PIAS1: variants seen among roughly 807,000 people sequenced by gnomAD.
PIAS1 encodes the protein protein inhibitor of activated STAT 1.
Under a neutral mutation model 71.3 loss-of-function variants are expected in PIAS1, and 6 were observed. That is an observed-to-expected ratio of 0.08 (90% CI 0.05 to 0.17). PIAS1 has a LOEUF of 0.17. Ranked by LOEUF, PIAS1 falls within the 10% of genes least tolerant of loss-of-function variation. PIAS1 has a pLI of 1.00. For missense variants in PIAS1, 555 were observed against 793.6 expected, an observed-to-expected ratio of 0.70 and a Z score of 3.61; for synonymous variants, 303 against 292.9, an observed-to-expected ratio of 1.03 and a Z score of -0.35.
chr15:68,137,550 C>T (rs2092742119), intron 2 of PIAS1, among the ~76,000 whole-genome samples: 1 of 151,888 alleles, frequency 6.6e-6, no homozygotes, highest in Non-Finnish European at 1.5e-5. Flanking sequence ...GAGTACAGCA[C>T]CGAGATCAAG....
At chr15:68,153,499 G>A (rs2092863931) in intron 6 of PIAS1, 91 bp from the exon 7 acceptor site, 1 of 631,220 alleles carries the variant, frequency 1.6e-6, no homozygotes, top group African/African-American at 1.8e-5. Flanking sequence ...TTTAAGAAGT[G>A]TTAGTTTTCT....
chr15:68,057,918 T>C (rs2091914144), intron 1 of PIAS1, among the ~76,000 whole-genome samples: 1 of 152,260 alleles, frequency 6.6e-6, no homozygotes. Context: ...GATCCCATTG[T>C]CTTTTTCTTC....
intron 8 of PIAS1, among the ~76,000 whole-genome samples, chr15:68,169,194 G>T (rs568162993): frequency 1.0e-3 from 156 of 152,256 alleles, no homozygotes; most frequent in African/African-American, 3.6e-3. Flanking sequence ...ATAGGAATTT[G>T]TATTTCATAG....
Position 68,086,570 on chromosome 15 carries a change from C to T in PIAS1, c.289C>T (p.Leu97Phe), listed in dbSNP as rs2092284230. Residue 97 changes from leucine (L) to phenylalanine (F), a missense_variant, in exon 2 of 14, where the codon CTC becomes TTC. By Grantham distance (22) the Leu-to-Phe change is conservative (BLOSUM62 0). This residue lies in a region of PIAS1 where 80 missense variants were observed against 66.9 expected (regional missense o/e 1.20). Coordinates refer to ENST00000249636, the MANE Select transcript of PIAS1 (RefSeq NM_016166.3). This position sits in a 1 kb window ranked among gnomAD's most constrained non-coding sequence, Gnocchi z 7.2. ...ATLSPSTIPQ[L>F]TYDGHPASSP... is the part of the protein sequence containing the mutation. The stretch of plus-strand genomic sequence containing the variant: ...TTTGTCTCCATCTACCATTCCACAA[C>T]TCACTTACGATGGTCACCCTGCATC... 6.2e-7 allele frequency: 1 copy of T among 1,613,862 alleles called. No individual in the cohort carries two copies. The highest frequency in any genetic ancestry group is 2.2e-5 in the East Asian group (1 of 44,902).
chr15:68,182,925 C>T (rs1462349572), intron 12 of PIAS1, among the ~76,000 whole-genome samples: 1 of 152,070 alleles, frequency 6.6e-6, no homozygotes, highest in Admixed American at 6.5e-5. Context: ...TTTACCTTTC[C>T]CCAAGTTTAG....
chr15:68,173,616 T>C lies in PIAS1; in HGVS notation c.1009-116T>C. 1 of 545,722 alleles carries C rather than the reference T, an allele frequency of 1.8e-6. No homozygotes were observed. The highest frequency in any genetic ancestry group is 4.6e-5 in the South Asian group (1 of 21,840). 33.8% of individuals were successfully genotyped at this position (545,722 alleles called of 1,614,324 possible). A position where few individuals can be genotyped will look rare whatever the true frequency, so the allele number is the denominator to read the frequency against. On this transcript the variant is annotated intron_variant, in intron 8 of 13. Transcript: ENST00000249636. The surrounding 1 kb of genome is among the most constrained non-coding windows in gnomAD (Gnocchi z 4.3). Reference sequence around the variant, plus strand: ...AATGTTCTTCTACATTGATGAAAAGTCAACACTGTATGCTTTAAATCAGCA... The same window carrying C: ...AATGTTCTTCTACATTGATGAAAAGCCAACACTGTATGCTTTAAATCAGCA...
At chr15:68,084,460 A>G (rs745445629) in intron 1 of PIAS1, among the ~76,000 whole-genome samples, 37 of 152,214 alleles carry the variant, frequency 2.4e-4, no homozygotes, top group Non-Finnish European at 3.5e-4. Context: ...TATCCTGCTG[A>G]TATTATAGTT....
chr15:68,142,576 C>A (rs1016884558), intron 4 of PIAS1, among the ~76,000 whole-genome samples: 4 of 152,014 alleles, frequency 2.6e-5, no homozygotes, highest in Admixed American at 1.3e-4. Context: ...GGAAAACATT[C>A]TCCTGTTATG....
At chr15:68,055,566 G>C (rs918486098) in intron 1 of PIAS1, among the ~76,000 whole-genome samples, 1 of 152,032 alleles carries the variant, frequency 6.6e-6, no homozygotes, top group African/African-American at 2.4e-5. Flanking sequence ...TGGTTTAGTA[G>C]CAGGCAGTTC....
At chr15:68,164,672 G>GT (rs2092945937) in intron 7 of PIAS1, 59 bp from the exon 8 acceptor site, 1 of 875,128 alleles carries the variant, frequency 1.1e-6, no homozygotes, top group African/African-American at 1.7e-5. Context: ...TAATGCTCCA[G>GT]TAATGTATCT....
At chr15:68,155,686 T>G (rs978028362) in intron 7 of PIAS1, among the ~76,000 whole-genome samples, 1 of 152,220 alleles carries the variant, frequency 6.6e-6, no homozygotes, top group African/African-American at 2.4e-5. Flanking sequence ...TTTAGACTTT[T>G]CACAGAGAAC....
At chr15:68,132,484 A>G (rs1417993584) in intron 2 of PIAS1, among the ~76,000 whole-genome samples, 1 of 152,062 alleles carries the variant, frequency 6.6e-6, no homozygotes, top group Admixed American at 6.6e-5. Context: ...CTAAAAAAAA[A>G]AGGAAACTAC....
intron 2 of PIAS1, among the ~76,000 whole-genome samples, chr15:68,134,915 T>C (rs368223887): frequency 0.45 from 13,864 of 30,644 alleles, 745 homozygotes; most frequent in East Asian, 0.6. Flanking sequence ...CCAGCAGGGG[T>C]GGCTGGGCAG....
intron 4 of PIAS1, among the ~76,000 whole-genome samples, chr15:68,144,641 C>T (rs2092795590): frequency 6.6e-6 from 1 of 151,998 alleles, no homozygotes; most frequent in Admixed American, 6.6e-5. Flanking sequence ...AAGAATTAGC[C>T]TGTAATGGAA....
rs575751876 is a variant in PIAS1, at chr15:68,187,238, TGCTTCTGA to T, written c.1663-301_1663-294del. On this transcript the variant is annotated intron_variant, in intron 13 of 13. Coordinates refer to ENST00000249636, the MANE Select transcript of PIAS1 (RefSeq NM_016166.3). This position sits in a 1 kb window ranked among gnomAD's most constrained non-coding sequence, Gnocchi z 5.3. ...AGCATGGACTGTCTGCCCCTCCTGC[TGCTTCTGA>T]GCATATGCTTCTTGGGAAATAGAAT... is the stretch of plus-strand genomic sequence containing the variant. Among the ~76,000 whole-genome samples, 37 of 152,360 alleles carry T rather than the reference TGCTTCTGA, an allele frequency of 2.4e-4. No homozygotes were observed. Among genetic ancestry groups the T allele is most frequent in the African/African-American group, 7.9e-4 (33 of 41,584 alleles).
intron 8 of PIAS1, among the ~76,000 whole-genome samples, chr15:68,165,767 T>C (rs1222890872): frequency 1.3e-5 from 2 of 152,164 alleles, no homozygotes; most frequent in Non-Finnish European, 2.9e-5. Context: ...TATGAAAATA[T>C]GTGAAAAATT....
intron 1 of PIAS1, among the ~76,000 whole-genome samples, chr15:68,069,113 C>G (rs1327230883): frequency 6.6e-6 from 1 of 151,752 alleles, no homozygotes; most frequent in Non-Finnish European, 1.5e-5. Flanking sequence ...CCAGGCTGGT[C>G]TCGAACTCCA....
chr15:68,144,041 A>G (rs1340171345), intron 4 of PIAS1, among the ~76,000 whole-genome samples: 1 of 151,848 alleles, frequency 6.6e-6, no homozygotes, highest in Non-Finnish European at 1.5e-5. Flanking sequence ...GGTTGTCTAG[A>G]TAGATGAGCT....
chr15:68,193,001 A>C lies in PIAS1; in HGVS notation c.*5166A>C, dbSNP rs946926164. 1 of 152,062 alleles carries C rather than the reference A, an allele frequency of 6.6e-6. No homozygotes were observed. The highest frequency in any genetic ancestry group is 1.5e-5 in the Non-Finnish European group (1 of 68,068). The allele number at this position is 152,062 out of a possible 1,614,324, so 9.4% of individuals were successfully genotyped here. ...CTAGCTGTGTAACTCACTCAAAGCC[A>C]CTCCAGCTGGATGGACTCCCAGAAA... On this transcript the variant is annotated 3_prime_UTR_variant, in exon 14 of 14. Transcript: ENST00000249636.
Sources: allele counts gnomAD v4.1 joint callset (sites outside exome capture counted in the v4.1 genomes callset), GRCh38; gene constraint gnomAD v4.1.1; regional missense constraint gnomAD v4.1.1; non-coding constraint Gnocchi (gnomAD v3.1); transcripts MANE v1.5; gene names NCBI Gene and HGNC (gene_info 2026-07-23, HGNC 2026-07-21).